KCNA2: variants seen among roughly 807,000 people sequenced by gnomAD.
KCNA2 encodes the protein potassium channel, voltage gated shaker related subfamily A, member 2.
KCNA2 carries 11 observed loss-of-function variants against 33.4 expected under a neutral mutation model. That is an observed-to-expected ratio of 0.33 (90% confidence interval 0.21 to 0.55). KCNA2 has a LOEUF of 0.55. Ranked by LOEUF, KCNA2 falls within the 20% of genes least tolerant of loss-of-function variation. KCNA2 has a pLI of 0.93. For missense variants in KCNA2, 291 were observed against 621.6 expected, an observed-to-expected ratio of 0.47 and a Z score of 5.66; for synonymous variants, 222 against 231.3, an observed-to-expected ratio of 0.96 and a Z score of 0.37.
intron 1 of KCNA2, among the ~76,000 whole-genome samples, chr1:110,613,794 C>T (rs763127445): frequency 2.0e-5 from 3 of 152,174 alleles, no homozygotes; most frequent in Non-Finnish European, 4.4e-5. Context: ...CAGGCAAGAA[C>T]CACGGTTTGA....
Position 110,595,917 on chromosome 1 carries a change from G to A in KCNA2, c.*7366C>T. The A allele has an allele frequency of 1.0e-6, 1 of 985,342 alleles. No homozygotes were observed. The highest frequency in any genetic ancestry group is 1.2e-6 in the Non-Finnish European group (1 of 829,914). 61.0% of individuals were successfully genotyped at this position (985,342 alleles called of 1,614,324 possible). A position where few individuals can be genotyped will look rare whatever the true frequency, so the allele number is the denominator to read the frequency against. Reference sequence around the variant, plus strand: ...AGAATGCTAAATAGATAAATCCTTTGCCAGGTCTTCAAGCTTTCCACTCCC... The same window carrying A: ...AGAATGCTAAATAGATAAATCCTTTACCAGGTCTTCAAGCTTTCCACTCCC... On this transcript the variant is annotated 3_prime_UTR_variant, in exon 3 of 3. Transcript: ENST00000316361.
At chr1:110,610,779 G>C (rs943547561), upstream of KCNA2, among the ~76,000 whole-genome samples, 3 of 152,156 alleles carry the variant, frequency 2.0e-5, no homozygotes, top group African/African-American at 7.2e-5. Flanking sequence ...GTTTAGAAGG[G>C]AGTTGGTGCT....
upstream of KCNA2, among the ~76,000 whole-genome samples, chr1:110,609,140 A>G (rs1649787654): frequency 6.6e-6 from 1 of 152,110 alleles, no homozygotes; most frequent in African/African-American, 2.4e-5. Flanking sequence ...ACCAGCACCA[A>G]GGGGCTCTGT....
At chr1:110,609,725 G>GA (rs892659841), upstream of KCNA2, among the ~76,000 whole-genome samples, 3 of 151,792 alleles carry the variant, frequency 2.0e-5, no homozygotes, top group African/African-American at 4.8e-5. Flanking sequence ...AAAGAAGGGG[G>GA]AAAAAAAAGA....
Position 110,604,443 on chromosome 1 carries a change from G to T in KCNA2, c.340C>A (p.Arg114=). 1.9e-6 allele frequency: 3 copies of T among 1,614,094 alleles called. No individual in the cohort carries two copies. The Admixed American group carries it at 5.0e-5, about 27-fold the overall frequency. The part of the protein sequence containing the change: ...VPLDIFSEEI[R]FYELGEEAME... ...GCTTCTTCTCCCAGCTCATAAAACC[G>T]AATTTCTTCAGAGAATATATCTAAG... is the stretch of plus-strand genomic sequence containing the variant. Residue 114 remains arginine (R), a synonymous_variant, in exon 3 of 3, where the codon CGG becomes AGG. Coordinates refer to ENST00000316361, the MANE Select transcript of KCNA2 (RefSeq NM_004974.4). The surrounding 1 kb of genome is among the most constrained non-coding windows in gnomAD (Gnocchi z 7.6).
chr1:110,595,823 T>C lies in KCNA2; in HGVS notation c.*7460A>G, dbSNP rs1393119960. On this transcript the variant is annotated 3_prime_UTR_variant, in exon 3 of 3. Transcript: ENST00000316361. ...CCTTCTGTGTGGCAGAGATGTGCTT[T>C]AGTTCTTCATTGGAATGTTACTTTC... 1 of 985,364 alleles carries C rather than the reference T, an allele frequency of 1.0e-6. No individual in the cohort carries two copies. Among genetic ancestry groups the C allele is most frequent in the Non-Finnish European group, 1.2e-6 (1 of 829,948 alleles). 61.0% of individuals were successfully genotyped at this position (985,364 alleles called of 1,614,324 possible). A position where few individuals can be genotyped will look rare whatever the true frequency, so the allele number is the denominator to read the frequency against.
At chr1:110,624,870 A>G (rs1483338965) in intron 1 of KCNA2, among the ~76,000 whole-genome samples, 1 of 152,212 alleles carries the variant, frequency 6.6e-6, no homozygotes, top group African/African-American at 2.4e-5. Flanking sequence ...GGAGGTTGAT[A>G]TCGGTGAAAA....
At chr1:110,625,085 A>G (rs960502282) in intron 1 of KCNA2, among the ~76,000 whole-genome samples, 4 of 152,334 alleles carry the variant, frequency 2.6e-5, no homozygotes, top group Admixed American at 1.3e-4. Context: ...CTTTCTGCCC[A>G]TTCTGGCCAC....
chr1:110,593,890 A>G lies in KCNA2; in HGVS notation c.*9393T>C, dbSNP rs1346559607. 1.4e-5 allele frequency: 21 copies of G among 1,549,978 alleles called. No homozygotes were observed. The highest frequency in any genetic ancestry group is 2.6e-6 in the Non-Finnish European group (3 of 1,146,852). ...CCAGAATATGTCAGCAAGAATGATA[A>G]TATCAATACATCCTGTGCAATGTAG... On this transcript the variant is annotated 3_prime_UTR_variant, in exon 3 of 3. Transcript: ENST00000316361.
At chr1:110,622,625 C>T (rs769197134) in intron 1 of KCNA2, among the ~76,000 whole-genome samples, 10 of 152,024 alleles carry the variant, frequency 6.6e-5, no homozygotes, top group East Asian at 3.8e-4. Context: ...TACTAGAATT[C>T]ATAAGTGAGT....
rs532356523 is a variant in KCNA2 at position 110,599,119 on chromosome 1, A to C, written c.*4164T>G. ...GGAGCTGCGACCATCACTGGAAGGG[A>C]GAGTGAGACACAACGGGATGGCTGC... On this transcript the variant is annotated 3_prime_UTR_variant, in exon 3 of 3. Coordinates refer to ENST00000316361, the MANE Select transcript of KCNA2 (RefSeq NM_004974.4). 13 of 985,426 alleles carry C rather than the reference A, an allele frequency of 1.3e-5. 1 individual carries two copies. The African/African-American group carries it at 1.7e-4, about 13-fold the overall frequency. 61.0% of individuals were successfully genotyped at this position (985,426 alleles called of 1,614,324 possible). A position where few individuals can be genotyped will look rare whatever the true frequency, so the allele number is the denominator to read the frequency against.
At chr1:110,628,817 C>G (rs1193883211) in intron 1 of KCNA2, among the ~76,000 whole-genome samples, 1 of 152,156 alleles carries the variant, frequency 6.6e-6, no homozygotes, top group Non-Finnish European at 1.5e-5. Context: ...CTCCCCCAAC[C>G]AGATCCTTCA....
Position 110,604,768 on chromosome 1 carries a change from G to A in KCNA2, c.15C>T (p.Thr5=), listed in dbSNP as rs1290595779. MTVA[T]GDPADEAAAL... Reference sequence around the variant, plus strand: ...CAGCAGCCTCGTCTGCTGGGTCTCCGGTGGCCACTGTCATAATTGGGACTG... The same window carrying A: ...CAGCAGCCTCGTCTGCTGGGTCTCCAGTGGCCACTGTCATAATTGGGACTG... Residue 5 remains threonine (T), a synonymous_variant, in exon 3 of 3, where the codon ACC becomes ACT. Coordinates refer to ENST00000316361, the MANE Select transcript of KCNA2 (RefSeq NM_004974.4). This position sits in a 1 kb window ranked among gnomAD's most constrained non-coding sequence, Gnocchi z 7.6. 1.3e-5 allele frequency: 21 copies of A among 1,612,480 alleles called. No individual in the cohort carries two copies. Among genetic ancestry groups the A allele is most frequent in the South Asian group, 5.5e-5 (5 of 90,826 alleles).
rs1289491953 is a variant in KCNA2 at position 110,597,634 on chromosome 1, A to T, written c.*5649T>A. The T allele has an allele frequency of 1.0e-6, 1 of 985,346 alleles. No homozygotes were observed. The highest frequency in any genetic ancestry group is 1.2e-6 in the Non-Finnish European group (1 of 829,960). 61.0% of individuals were successfully genotyped at this position (985,346 alleles called of 1,614,324 possible). A position where few individuals can be genotyped will look rare whatever the true frequency, so the allele number is the denominator to read the frequency against. On this transcript the variant is annotated 3_prime_UTR_variant, in exon 3 of 3. Transcript: ENST00000316361. ...GGAGGTCAGATCTCAAGAGGACAGG[A>T]GTCATGTGAACACGTGGGAAGAAGA...
Position 110,603,730 on chromosome 1 carries a change from G to A in KCNA2, c.1053C>T (p.Ala351=), listed in dbSNP as rs748008112. Residue 351 remains alanine (A), a synonymous_variant, in exon 3 of 3, where the codon GCC becomes GCT. Transcript: ENST00000316361. The surrounding 1 kb of genome is among the most constrained non-coding windows in gnomAD (Gnocchi z 5.7). ...LFSSAVYFAE[A]DERESQFPSI... is the part of the protein sequence containing the mutation. Reference sequence around the variant, plus strand: ...TGGGGAACTGGGACTCTCGCTCATCGGCCTCTGCAAAATACACAGCACTAG... The same window carrying A: ...TGGGGAACTGGGACTCTCGCTCATCAGCCTCTGCAAAATACACAGCACTAG... The A allele has an allele frequency of 1.2e-5, 20 of 1,613,774 alleles. No individual in the cohort carries two copies. In the Admixed American group the frequency reaches 1.7e-4, roughly 13 times the overall value.
chr1:110,626,217 G>A (rs1442977112), intron 1 of KCNA2, among the ~76,000 whole-genome samples: 2 of 152,028 alleles, frequency 1.3e-5, no homozygotes, highest in Non-Finnish European at 2.9e-5. Context: ...TATCACTAGG[G>A]GACTGGTAAA....
chr1:110,622,222 T>C (rs1650276350), intron 1 of KCNA2, among the ~76,000 whole-genome samples: 1 of 152,140 alleles, frequency 6.6e-6, no homozygotes, highest in Admixed American at 6.5e-5. Context: ...ATTCACCATA[T>C]GAAAAATATG....
At position 110,599,342 on chromosome 1, in the gene KCNA2, TCAGG is replaced by T. The variant is rs563570879; in HGVS notation, c.*3937_*3940del. ...TATGGCCTTAGAATATAGGATAAAG[TCAGG>T]CCCTCTAAAAAGTGTTAGCTTGCTT... On this transcript the variant is annotated 3_prime_UTR_variant, in exon 3 of 3. Coordinates refer to ENST00000316361, the MANE Select transcript of KCNA2 (RefSeq NM_004974.4). The T allele has an allele frequency of 3.3e-4, 326 of 985,122 alleles. 3 individuals carry two copies. In the South Asian group the frequency reaches 0.013, roughly 41 times the overall value. The allele number at this position is 985,122 out of a possible 1,614,324, so 61.0% of individuals were successfully genotyped here. A position where few individuals can be genotyped will look rare whatever the true frequency, so the allele number is the denominator to read the frequency against.
chr1:110,624,241 C>A (rs904639138), intron 1 of KCNA2, among the ~76,000 whole-genome samples: 1 of 152,156 alleles, frequency 6.6e-6, no homozygotes, highest in Non-Finnish European at 1.5e-5. Context: ...GAAAGGAATC[C>A]AAATGTCCAC....
Sources: gnomAD v4.1 joint callset for allele counts (sites outside exome capture counted in the v4.1 genomes callset) on GRCh38, gnomAD v4.1.1 for gene constraint, Gnocchi (gnomAD v3.1) non-coding constraint, MANE v1.5 for transcripts, NCBI Gene and HGNC (gene_info 2026-07-23, HGNC 2026-07-21) for gene names.